ABL1: variants seen among roughly 807,000 people sequenced by gnomAD.
ABL1 encodes ABL proto-oncogene 1, non-receptor tyrosine kinase, also known as tyrosine-protein kinase ABL1.
A neutral mutation model predicts 94.7 loss-of-function variants in ABL1; 11 were observed. The observed-to-expected ratio is 0.12, with a 90% CI of 0.07 to 0.19. ABL1 has a LOEUF of 0.19. ABL1 is among the 10% of genes least tolerant of loss of function. The pLI, the probability that ABL1 is intolerant of heterozygous loss-of-function variation, is 1.00. For missense variants in ABL1, 1,082 were observed against 1,489.4 expected (o/e 0.73, Z 4.50); for synonymous variants, 656 against 622.4 (o/e 1.05, Z -0.80).
chr9:130,768,584 TGAA>T (rs1186176145), intron 1 of ABL1, among the ~76,000 whole-genome samples: 3 of 152,230 alleles, frequency 2.0e-5, no homozygotes, highest in Non-Finnish European at 4.4e-5. Flanking sequence ...TTAGAGCCAG[TGAA>T]GAAGAACGGT....
In ABL1 at chr9:130,804,060, GA is replaced by G. The variant is rs113128798; in HGVS notation, c.137-49991del. On this transcript the variant is annotated intron_variant, in intron 1 of 10. Coordinates refer to the ABL1 transcript ENST00000372348. The stretch of plus-strand genomic sequence containing the variant: ...CAAGAGACTGAGTGAGACCTCTTAA[GA>G]AAAAAAAAAAAATGACCGGACACAG... 3.5e-3 allele frequency among the ~76,000 whole-genome samples: 471 copies of G among 134,768 alleles called. 1 individual carries two copies. The highest frequency in any genetic ancestry group is 5.5e-3 in the African/African-American group (201 of 36,776). The allele number at this position is 134,768 out of a possible 152,430, so 88.4% of individuals were successfully genotyped here.
At chr9:130,836,361 A>G (rs928875971) in intron 1 of ABL1, among the ~76,000 whole-genome samples, 3 of 152,096 alleles carry the variant, frequency 2.0e-5, no homozygotes, top group Non-Finnish European at 4.4e-5. Context: ...ATGGAAAAAA[A>G]GTAAATTAAG....
At chr9:130,759,963 ATTTTTTTTTTTTT>A (rs34154339) in intron 1 of ABL1, among the ~76,000 whole-genome samples, 2 of 93,028 alleles carry the variant, frequency 2.1e-5, no homozygotes, top group Non-Finnish European at 2.0e-5. Context: ...AGGTAATTTA[ATTTTTTTTTTTTT>A]TTTTTTTTTT....
In ABL1 at chr9:130,884,815, T is replaced by C. The variant is rs756695651; in HGVS notation, c.2525T>C (p.Leu842Ser). 1.9e-6 allele frequency: 3 copies of C among 1,606,414 alleles called. No individual in the cohort carries two copies. Among genetic ancestry groups the C allele is most frequent in the Non-Finnish European group, 2.6e-6 (3 of 1,175,804 alleles). ...GAAGAAGCTGGAAAGGGCAGTGCCTTAGGGACCCCTGCTGCAGCTGAGCCA... is the reference window on the plus strand; with the variant it reads ...GAAGAAGCTGGAAAGGGCAGTGCCTCAGGGACCCCTGCTGCAGCTGAGCCA... ...HKEEAGKGSALGTPAAAEPVT... is the reference protein window; with the variant it reads ...HKEEAGKGSASGTPAAAEPVT... Residue 842 changes from leucine (L) to serine (S), a missense_variant, in exon 11 of 11, where the codon TTA (leucine) becomes TCA (serine). Coordinates refer to ENST00000318560, the MANE Select transcript of ABL1 (RefSeq NM_005157.6). The surrounding 1 kb of genome is among the most constrained non-coding windows in gnomAD (Gnocchi z 5.6).
chr9:130,867,076 C>T (rs774287361), intron 4 of ABL1, among the ~76,000 whole-genome samples: 36 of 152,148 alleles, frequency 2.4e-4, no homozygotes, highest in Non-Finnish European at 4.6e-4. Context: ...TGGAAAAGAC[C>T]GCTGGTGATC....
intron 1 of ABL1, among the ~76,000 whole-genome samples, chr9:130,839,744 G>C (rs150067914): frequency 6.6e-6 from 1 of 152,316 alleles, no homozygotes; most frequent in East Asian, 1.9e-4. Context: ...TAAGATGATT[G>C]AGGGAAAGCT....
intron 4 of ABL1, among the ~76,000 whole-genome samples, chr9:130,867,351 T>C (rs982601457): frequency 6.6e-6 from 1 of 152,228 alleles, no homozygotes; most frequent in African/African-American, 2.4e-5. Context: ...TTTGTATGGA[T>C]ATATTTTAAC....
chr9:130,718,869 A>G (rs1244358098), intron 1 of ABL1, among the ~76,000 whole-genome samples: 2 of 152,108 alleles, frequency 1.3e-5, no homozygotes, highest in African/African-American at 2.4e-5. Flanking sequence ...GTAACAGAGC[A>G]AGACCCCATC....
chr9:130,818,757 T>A (rs1830322120), intron 1 of ABL1, among the ~76,000 whole-genome samples: 1 of 152,360 alleles, frequency 6.6e-6, no homozygotes, highest in Non-Finnish European at 1.5e-5. Context: ...AAATTGCCCT[T>A]TCACCTTTGT....
At chr9:130,748,491 C>A (rs935646803) in intron 1 of ABL1, among the ~76,000 whole-genome samples, 3 of 151,976 alleles carry the variant, frequency 2.0e-5, no homozygotes, top group Admixed American at 2.0e-4. Context: ...TGGCTTACTG[C>A]AGTCTCCACC....
intron 1 of ABL1, among the ~76,000 whole-genome samples, chr9:130,720,323 G>A (rs1220853681): frequency 6.6e-6 from 1 of 152,176 alleles, no homozygotes; most frequent in East Asian, 1.9e-4. Context: ...TAGTTAGGGT[G>A]GCTAGAGAGG....
At chr9:130,865,495 C>A (rs1831139956) in intron 4 of ABL1, among the ~76,000 whole-genome samples, 1 of 152,068 alleles carries the variant, frequency 6.6e-6, no homozygotes, top group Non-Finnish European at 1.5e-5. Flanking sequence ...GCCTGTAATC[C>A]CAGCACTTTG....
At chr9:130,733,289 C>T (rs1393177240) in intron 1 of ABL1, among the ~76,000 whole-genome samples, 2 of 152,172 alleles carry the variant, frequency 1.3e-5, no homozygotes, top group Non-Finnish European at 2.9e-5. Context: ...AAACAAACAA[C>T]TCCCAGATTT....
At chr9:130,741,603 A>G (rs1205483218) in intron 1 of ABL1, among the ~76,000 whole-genome samples, 2 of 151,988 alleles carry the variant, frequency 1.3e-5, no homozygotes, top group Non-Finnish European at 1.5e-5. Flanking sequence ...CAGCACTGGT[A>G]TACCAGTTAC....
rs763658540 is a variant in ABL1 at position 130,884,809 on chromosome 9, G to A, written c.2519G>A (p.Ser840Asn). 6.2e-7 allele frequency: 1 copy of A among 1,606,212 alleles called. No homozygotes were observed. Among genetic ancestry groups the A allele is most frequent in the Admixed American group, 1.7e-5 (1 of 59,532 alleles). The change falls in exon 11 of 11, where the codon AGT becomes AAT. Residue 840 changes from serine to asparagine, a missense_variant. Physicochemically the swap from Ser to Asn is conservative, Grantham distance 46 (BLOSUM62 1). Coordinates refer to ENST00000318560, the MANE Select transcript of ABL1 (RefSeq NM_005157.6). This position sits in a 1 kb window ranked among gnomAD's most constrained non-coding sequence, Gnocchi z 5.6. ...CACAAGGAAGAAGCTGGAAAGGGCA[G>A]TGCCTTAGGGACCCCTGCTGCAGCT... is the stretch of plus-strand genomic sequence containing the variant. Reference protein sequence around the residue: ...LPHKEEAGKGSALGTPAAAEP... With the variant: ...LPHKEEAGKGNALGTPAAAEP...
chr9:130,834,986 G>C (rs575774320), upstream of ABL1: 1 of 450,418 alleles, frequency 2.2e-6, no homozygotes, highest in South Asian at 1.6e-5. Context: ...TTCTAAAGTG[G>C]AGTGGAGCAG....
chr9:130,873,091 G>T (rs960022086), intron 6 of ABL1, 54 bp downstream of exon 6: 1 of 1,561,474 alleles, frequency 6.4e-7, no homozygotes, highest in African/African-American at 1.4e-5. Flanking sequence ...GTGGAGCCGG[G>T]CAGCCTTTTA....
intron 1 of ABL1, among the ~76,000 whole-genome samples, chr9:130,756,852 A>G (rs1248991544): frequency 1.3e-5 from 2 of 152,172 alleles, no homozygotes; most frequent in Non-Finnish European, 2.9e-5. Flanking sequence ...TTAAAAGAAA[A>G]TGGAAACAAA....
At chr9:130,770,952 A>T (rs1832244226) in intron 1 of ABL1, among the ~76,000 whole-genome samples, 1 of 152,200 alleles carries the variant, frequency 6.6e-6, no homozygotes, top group Non-Finnish European at 1.5e-5. Context: ...AGGAACAGAT[A>T]ATATCTCAAC....
Sources: gnomAD v4.1 joint callset for allele counts (sites outside exome capture counted in the v4.1 genomes callset) on GRCh38, gnomAD v4.1.1 for gene constraint, Gnocchi (gnomAD v3.1) non-coding constraint, MANE v1.5 for transcripts, NCBI Gene and HGNC (gene_info 2026-07-23, HGNC 2026-07-21) for gene names.